The following PFKP variants were observed in gnomAD, a reference collection of about 807,000 sequenced individuals.
PFKP encodes the protein phosphofructokinase, platelet.
PFKP carries 101 observed loss-of-function variants against 94.3 expected under a neutral mutation model. The ratio of observed to expected loss-of-function variants is 1.07; its 90% CI spans 0.91 to 1.26. PFKP has a LOEUF of 1.26. Among genes scored for constraint, PFKP ranks in the 50% most tolerant of loss-of-function variants. The pLI, the probability that PFKP is intolerant of heterozygous loss-of-function variation, is 0.00. For synonymous variants in PFKP, 573 were observed against 432.6 expected, an observed-to-expected ratio of 1.32 and a Z score of -4.03; for missense variants, 1,145 against 1,103.3, an observed-to-expected ratio of 1.04 and a Z score of -0.53.
chr10:3,108,600 A>C (rs1835859851), intron 8 of PFKP, 101 bp from the exon 9 acceptor site: 1 of 830,162 alleles, frequency 1.2e-6, no homozygotes, highest in Non-Finnish European at 2.1e-6. Flanking sequence ...AGATCTGAAG[A>C]AAGAGCGAAA....
chr10:3,069,214 G>A (rs1831992971), intron 1 of PFKP: 12 of 1,315,612 alleles, frequency 9.1e-6, no homozygotes, highest in Non-Finnish European at 1.1e-5. Context: ...GCGCCCCCGG[G>A]AAGTGCTCTG....
At chr10:3,121,769 T>G (rs111877578) in intron 16 of PFKP, among the ~76,000 whole-genome samples, 4,043 of 150,790 alleles carry the variant, frequency 0.027, 179 homozygotes, top group African/African-American at 0.09. Context: ...CATTCGAGTT[T>G]CTCGAAGCTA....
intron 2 of PFKP, among the ~76,000 whole-genome samples, chr10:3,093,466 A>G (rs1029526646): frequency 3.3e-5 from 5 of 152,038 alleles, no homozygotes; most frequent in Admixed American, 2.6e-4. Flanking sequence ...CAGGGTCTTT[A>G]CCAGAGCCCA....
rs1832024285 is a variant in PFKP, at chr10:3,069,511, T to A, written c.112+1804T>A. ...CTGGGCCGCGAAAGACAAGAAACCTTTGGCACAGGAAGAGGAACTGATCTC... is the reference window on the plus strand; with the variant it reads ...CTGGGCCGCGAAAGACAAGAAACCTATGGCACAGGAAGAGGAACTGATCTC... On this transcript the variant is annotated intron_variant, in intron 1 of 21. Transcript: ENST00000381125. 1.7e-5 allele frequency: 14 copies of A among 841,228 alleles called. No homozygotes were observed. The Middle Eastern group carries it at 2.7e-3, about 162-fold the overall frequency. The allele number at this position is 841,228 out of a possible 1,614,324, so 52.1% of individuals were successfully genotyped here. A position where few individuals can be genotyped will look rare whatever the true frequency, so the allele number is the denominator to read the frequency against.
At position 3,102,250 on chromosome 10, in the gene PFKP, C is replaced by CAAAAA. The variant is rs757381364; in HGVS notation, c.454+715_454+719dup. ...TGGGCGACAGAGCGAGACTCTGTCTCAAAAAAAAAAAAAAAAAAAAAAACT... is the reference window on the plus strand; with the variant it reads ...TGGGCGACAGAGCGAGACTCTGTCTCAAAAAAAAAAAAAAAAAAAAAAAAAAAACT... On this transcript the variant is annotated intron_variant, in intron 4 of 21. Coordinates refer to ENST00000381125, the MANE Select transcript of PFKP (RefSeq NM_002627.5). Among the ~76,000 whole-genome samples, 38 of 54,774 alleles carry CAAAAA rather than the reference C, an allele frequency of 6.9e-4. 1 individual carries two copies. The highest frequency in any genetic ancestry group is 2.0e-3 in the African/African-American group (32 of 16,176). 35.9% of individuals were successfully genotyped at this position (54,774 alleles called of 152,430 possible).
intron 1 of PFKP, among the ~76,000 whole-genome samples, chr10:3,071,261 C>G (rs1160139626): frequency 6.6e-6 from 1 of 152,106 alleles, no homozygotes; most frequent in East Asian, 1.9e-4. Context: ...TTTCTTCTCT[C>G]AGTAGAGTGT....
At chr10:3,084,847 C>CT (rs1416384592) in intron 2 of PFKP, among the ~76,000 whole-genome samples, 2 of 138,694 alleles carry the variant, frequency 1.4e-5, no homozygotes, top group African/African-American at 2.7e-5. Context: ...CAGTCCTCCA[C>CT]CCCCTCCCCA....
intron 10 of PFKP, among the ~76,000 whole-genome samples, chr10:3,111,273 CGT>C (rs574533120): frequency 1.0e-3 from 150 of 148,528 alleles, no homozygotes; most frequent in African/African-American, 3.5e-3. Context: ...TGTGAGGTAG[CGT>C]GTGTCTGCAT....
At chr10:3,089,559 T>C (rs995011913) in intron 2 of PFKP, among the ~76,000 whole-genome samples, 7 of 152,128 alleles carry the variant, frequency 4.6e-5, no homozygotes, top group Non-Finnish European at 7.4e-5. Flanking sequence ...AAGTAGCATA[T>C]CCATCACCTC....
chr10:3,121,206 G>A (rs1306824150), intron 16 of PFKP, among the ~76,000 whole-genome samples: 2 of 152,210 alleles, frequency 1.3e-5, no homozygotes, highest in Non-Finnish European at 2.9e-5. Flanking sequence ...GGCTTTGGGG[G>A]CAACTTTCAC....
At position 3,136,558 on chromosome 10, in the gene PFKP, T is replaced by C. The variant is rs368877583; in HGVS notation, c.2334T>C (p.His778=). 12 of 1,613,438 alleles carry C rather than the reference T, an allele frequency of 7.4e-6. No individual in the cohort carries two copies. Among genetic ancestry groups the C allele is most frequent in the East Asian group, 2.2e-5 (1 of 44,884 alleles). The change falls in exon 22 of 22, where the codon CAT becomes CAC. Residue 778 remains histidine, a synonymous_variant. Coordinates refer to ENST00000381125, the MANE Select transcript of PFKP (RefSeq NM_002627.5). ...YDVSDSGQLE[H]VQPWSV is the part of the protein sequence containing the mutation. The stretch of plus-strand genomic sequence containing the variant: ...TGTCGGACTCAGGCCAGCTGGAACA[T>C]GTGCAGCCCTGGAGTGTCTGACCCA...
intron 1 of PFKP, among the ~76,000 whole-genome samples, chr10:3,081,892 G>A (rs1354326367): frequency 6.6e-6 from 1 of 150,842 alleles, no homozygotes; most frequent in Non-Finnish European, 1.5e-5. Flanking sequence ...ATCTTCATGA[G>A]GTATGGTTAT....
chr10:3,090,653 G>A (rs1445449976), intron 2 of PFKP, among the ~76,000 whole-genome samples: 3 of 151,824 alleles, frequency 2.0e-5, no homozygotes, highest in Admixed American at 6.6e-5. Flanking sequence ...TTGGTGGGCG[G>A]TCCTTTGACT....
chr10:3,068,817 C>G (rs1318484855), intron 1 of PFKP: 1 of 508,800 alleles, frequency 2.0e-6, no homozygotes, highest in Non-Finnish European at 2.5e-6. Flanking sequence ...CGGCGCGCCC[C>G]GAGCTGGGTT....
chr10:3,126,566 C>G (rs1011280799), intron 16 of PFKP, among the ~76,000 whole-genome samples: 43 of 152,338 alleles, frequency 2.8e-4, no homozygotes, highest in Admixed American at 1.4e-3. Context: ...ACCCCCACCC[C>G]CTGTCCCGTC....
chr10:3,124,537 G>A lies in PFKP; in HGVS notation c.1683+4493G>A, dbSNP rs569658165. Among the ~76,000 whole-genome samples the A allele has an allele frequency of 3.9e-5, 6 of 152,326 alleles. No individual in the cohort carries two copies. In the South Asian group the frequency reaches 1.0e-3, roughly 26 times the overall value. On this transcript the variant is annotated intron_variant, in intron 16 of 21. Coordinates refer to ENST00000381125, the MANE Select transcript of PFKP (RefSeq NM_002627.5). ...AGGGCAGAAACGGCAGCTTCCGCCC[G>A]GAGAGCAGAGATGTGGCGTGGGGCT...
chr10:3,080,058 C>T (rs765808706), intron 1 of PFKP, among the ~76,000 whole-genome samples: 1 of 150,440 alleles, frequency 6.6e-6, no homozygotes, highest in African/African-American at 2.4e-5. Context: ...GAAGAGCGTC[C>T]GAGCAAGAGC....
At chr10:3,127,239 C>T (rs909670049) in intron 16 of PFKP, among the ~76,000 whole-genome samples, 7 of 152,248 alleles carry the variant, frequency 4.6e-5, no homozygotes, top group Non-Finnish European at 8.8e-5. Context: ...GCTGTCGCTG[C>T]GTTTACACTG....
rs776455980 is a variant in PFKP, at chr10:3,108,782, G to A, written c.952G>A (p.Asp318Asn). 1.4e-5 allele frequency: 23 copies of A among 1,610,846 alleles called. 1 individual carries two copies. Among genetic ancestry groups the A allele is most frequent in the East Asian group, 2.2e-5 (1 of 44,878 alleles). ...GAGAGGAGGGACCCCTTCGGCATTC[G>A]ACAGGATCTTGGTGAGTTGGGAAGG... ...VQRGGTPSAF[D>N]RILASRMGVE... Residue 318 changes from aspartate (D) to asparagine (N), a missense_variant, in exon 9 of 22, where the codon GAC becomes AAC. Coordinates refer to ENST00000381125, the MANE Select transcript of PFKP (RefSeq NM_002627.5).
Sources: gnomAD v4.1 joint callset for allele counts (sites outside exome capture counted in the v4.1 genomes callset) on GRCh38, gnomAD v4.1.1 for gene constraint, MANE v1.5 for transcripts, NCBI Gene and HGNC (gene_info 2026-07-23, HGNC 2026-07-21) for gene names.